XXYLT1: variants seen among roughly 807,000 people sequenced by gnomAD.
XXYLT1 encodes the protein UDP-xylose:alpha-xyloside alpha-1,3-xylosyltransferase.
A neutral mutation model predicts 28.9 loss-of-function variants in XXYLT1; 20 were observed. The observed-to-expected ratio is 0.69, with a 90% CI of 0.49 to 1.00. The LOEUF (loss-of-function observed/expected upper bound fraction) is 1.00. XXYLT1 is among the 50% of genes least tolerant of loss of function. The pLI is 0.00. For missense variants in XXYLT1, 542 were observed against 560.1 expected (o/e 0.97, Z 0.33); for synonymous variants, 257 against 253.8 (o/e 1.01, Z -0.12).
chr3:195,135,460 T>A (rs1719142886), intron 3 of XXYLT1, among the ~76,000 whole-genome samples: 1 of 150,918 alleles, frequency 6.6e-6, no homozygotes, highest in East Asian at 1.9e-4. Context: ...GAGAAAGGGG[T>A]GTTGGGAGAT....
intron 1 of XXYLT1, among the ~76,000 whole-genome samples, chr3:195,261,094 C>G (rs553601700): frequency 3.0e-4 from 46 of 152,356 alleles, no homozygotes; most frequent in East Asian, 3.9e-4. Flanking sequence ...CTTTCCCCAG[C>G]CTCAGCCACG....
intron 3 of XXYLT1, among the ~76,000 whole-genome samples, chr3:195,123,056 A>G (rs1270836277): frequency 1.3e-5 from 2 of 152,198 alleles, no homozygotes; most frequent in Admixed American, 1.3e-4. Context: ...GATGATCTCC[A>G]TGTTCCCATT....
intron 3 of XXYLT1, among the ~76,000 whole-genome samples, chr3:195,084,246 C>G (rs915634067): frequency 1.3e-5 from 2 of 152,128 alleles, no homozygotes; most frequent in Non-Finnish European, 2.9e-5. Context: ...TGAATTGCAT[C>G]AGGCCAGTTC....
At chr3:195,095,088 C>A (rs1380954445) in intron 3 of XXYLT1, among the ~76,000 whole-genome samples, 2 of 152,212 alleles carry the variant, frequency 1.3e-5, no homozygotes, top group African/African-American at 2.4e-5. Context: ...GCAGGCCACA[C>A]TTTTGAGTAG....
chr3:195,070,003 C>A lies in XXYLT1; in HGVS notation c.894G>T (p.Glu298Asp), dbSNP rs1321000879. ...FNSGVMLLNL[E>D]AMRQSPLYSR... ...TGTAGAGCGGGGACTGGCGCATGGC[C>A]TCCAGGTTCAGCAACATCACCCCGC... is the stretch of plus-strand genomic sequence containing the variant. Residue 298 changes from glutamate (E) to aspartate (D), a missense_variant, in exon 4 of 4, where the codon GAG becomes GAT. Physicochemically the swap from Glu to Asp is conservative, Grantham distance 45. Coordinates refer to ENST00000310380, the MANE Select transcript of XXYLT1 (RefSeq NM_152531.5). 1 of 1,606,502 alleles carries A rather than the reference C, an allele frequency of 6.2e-7. No individual in the cohort carries two copies. The highest frequency in any genetic ancestry group is 8.5e-7 in the Non-Finnish European group (1 of 1,179,786).
chr3:195,186,893 G>A (rs1722219342), intron 2 of XXYLT1, among the ~76,000 whole-genome samples: 1 of 149,888 alleles, frequency 6.7e-6, no homozygotes, highest in Non-Finnish European at 1.5e-5. Flanking sequence ...AACACTGGCT[G>A]AAGTTTTTTT....
At chr3:195,172,911 T>C (rs1254564847) in intron 2 of XXYLT1, among the ~76,000 whole-genome samples, 1 of 152,046 alleles carries the variant, frequency 6.6e-6, no homozygotes, top group African/African-American at 2.4e-5. Context: ...ACCAGTGGAG[T>C]TGGAGCATGG....
At chr3:195,264,249 G>A (rs1033464063) in intron 1 of XXYLT1, among the ~76,000 whole-genome samples, 2 of 152,274 alleles carry the variant, frequency 1.3e-5, no homozygotes, top group African/African-American at 4.8e-5. Flanking sequence ...CTCAATAGAT[G>A]AAGGTAGGTA....
intron 3 of XXYLT1, among the ~76,000 whole-genome samples, chr3:195,112,847 C>A (rs28555519): frequency 5.5e-5 from 8 of 144,434 alleles, no homozygotes; most frequent in Non-Finnish European, 9.1e-5. Context: ...GCACACACAC[C>A]CACACGCATG....
At chr3:195,110,213 C>CAT (rs1717467564) in intron 3 of XXYLT1, among the ~76,000 whole-genome samples, 1 of 3,442 alleles carries the variant, frequency 2.9e-4, no homozygotes, top group Non-Finnish European at 8.3e-4. Context: ...GTGGTGTGTG[C>CAT]GTGTGTGGTG....
At chr3:195,120,995 T>G in intron 3 of XXYLT1, among the ~76,000 whole-genome samples, 1 of 152,180 alleles carries the variant, frequency 6.6e-6, no homozygotes, top group East Asian at 1.9e-4. Flanking sequence ...TGAGGGTGTG[T>G]GACGTGTGTT....
At chr3:195,136,090 T>C (rs1265594973) in intron 3 of XXYLT1, among the ~76,000 whole-genome samples, 1 of 152,126 alleles carries the variant, frequency 6.6e-6, no homozygotes, top group African/African-American at 2.4e-5. Context: ...AATTACACAC[T>C]GATCACAGCA....
intron 2 of XXYLT1, among the ~76,000 whole-genome samples, chr3:195,212,261 GCCAGGGCTGCTGGAT>G (rs1382162162): frequency 3.9e-5 from 6 of 152,232 alleles, no homozygotes; most frequent in Non-Finnish European, 8.8e-5. Context: ...GCAGGCTGAA[GCCAGGGCTGCTGGAT>G]CCGATGGGAT....
rs541367372 is a variant in XXYLT1 at position 195,175,626 on chromosome 3, C to T, written c.653-19045G>A. The stretch of plus-strand genomic sequence containing the variant: ...ACGGTAGTAACAGACATCGCTAGTG[C>T]TCACCCGCACTCTGCCTTCCTGGAT... On this transcript the variant is annotated intron_variant, in intron 2 of 3. Transcript: ENST00000310380. The T allele has an allele frequency of 6.7e-5, 103 of 1,536,146 alleles. No homozygotes were observed. The Middle Eastern group carries it at 2.5e-3, about 37-fold the overall frequency.
chr3:195,172,388 G>A (rs771444966), intron 2 of XXYLT1, among the ~76,000 whole-genome samples: 3 of 152,188 alleles, frequency 2.0e-5, no homozygotes, highest in Non-Finnish European at 2.9e-5. Context: ...ACGGTCCCAG[G>A]TTCTCTCCGG....
intron 3 of XXYLT1, among the ~76,000 whole-genome samples, chr3:195,154,982 G>A (rs115510676): frequency 7.8e-4 from 119 of 152,244 alleles, no homozygotes; most frequent in African/African-American, 2.8e-3. Context: ...GAAGAAGGTG[G>A]GGAGTCTTCT....
chr3:195,170,914 G>A (rs2108715011), intron 2 of XXYLT1, among the ~76,000 whole-genome samples: 1 of 152,228 alleles, frequency 6.6e-6, no homozygotes, highest in East Asian at 1.9e-4. Flanking sequence ...TGAAAGAGCA[G>A]CCTCAGAAAT....
intron 2 of XXYLT1, among the ~76,000 whole-genome samples, chr3:195,222,240 C>T (rs1723859563): frequency 6.6e-6 from 1 of 152,198 alleles, no homozygotes; most frequent in Admixed American, 6.5e-5. Context: ...ACTGAGAACT[C>T]CCAGGGCAAG....
Position 195,177,151 on chromosome 3 carries a change from C to T in XXYLT1, c.653-20570G>A, listed in dbSNP as rs576234226. ...CCTCCTGTGGGCTTCCCAGGCTGTC[C>T]GTGCAGAATCACCTGCTCCCTTACA... On this transcript the variant is annotated intron_variant, in intron 2 of 3. Transcript: ENST00000310380. Among the ~76,000 whole-genome samples, 22 of 152,332 alleles carry T rather than the reference C, an allele frequency of 1.4e-4. No individual in the cohort carries two copies. The South Asian group carries it at 4.3e-3, about 30-fold the overall frequency.
Sources: allele counts gnomAD v4.1 joint callset (sites outside exome capture counted in the v4.1 genomes callset), GRCh38; gene constraint gnomAD v4.1.1; transcripts MANE v1.5; gene names NCBI Gene and HGNC (gene_info 2026-07-23, HGNC 2026-07-21).